The following LUZP2 variants were observed in gnomAD, a reference collection of about 807,000 sequenced individuals.
LUZP2 encodes the protein leucine zipper protein 2.
In LUZP2, 52 loss-of-function variants were observed where a neutral mutation model predicts 51.6. That is an observed-to-expected ratio of 1.01 (90% CI 0.81 to 1.27). LUZP2 has a LOEUF of 1.27. LUZP2 is among the 50% of genes most tolerant of loss of function. The pLI, the probability that LUZP2 is intolerant of heterozygous loss-of-function variation, is 0.00. For missense variants in LUZP2, 436 were observed against 395.4 expected (o/e 1.10, Z -0.87); for synonymous variants, 154 against 137.3 (o/e 1.12, Z -0.85).
chr11:24,906,965 C>T (rs979224313), intron 6 of LUZP2, among the ~76,000 whole-genome samples: 31 of 152,066 alleles, frequency 2.0e-4, no homozygotes, highest in Non-Finnish European at 2.8e-4. Flanking sequence ...AGAAGTAAGG[C>T]GAAGAGTTTC....
intron 7 of LUZP2, among the ~76,000 whole-genome samples, chr11:24,964,152 A>G (rs945929654): frequency 6.6e-6 from 1 of 152,168 alleles, no homozygotes; most frequent in Non-Finnish European, 1.5e-5. Flanking sequence ...CCTTTTCACC[A>G]CATTCCTGCC....
intron 10 of LUZP2, among the ~76,000 whole-genome samples, chr11:25,072,590 A>G (rs1428493078): frequency 6.6e-6 from 1 of 152,170 alleles, no homozygotes; most frequent in East Asian, 1.9e-4. Context: ...TACTCTTTAG[A>G]TAACATTGGT....
intron 9 of LUZP2, among the ~76,000 whole-genome samples, chr11:25,016,632 T>C (rs547044862): frequency 3.2e-5 from 4 of 123,968 alleles, no homozygotes; most frequent in Admixed American, 8.7e-5. Flanking sequence ...TATGTGTGTG[T>C]TTGTGTCTGT....
intron 1 of LUZP2, among the ~76,000 whole-genome samples, chr11:24,641,536 G>A (rs916834321): frequency 3.9e-5 from 6 of 151,932 alleles, no homozygotes. Flanking sequence ...GATACATTTA[G>A]AAAGGTACCT....
chr11:25,076,507 G>C (rs1269092290), intron 10 of LUZP2, among the ~76,000 whole-genome samples: 3 of 151,410 alleles, frequency 2.0e-5, no homozygotes, highest in Non-Finnish European at 4.4e-5. Context: ...GAGGAAGGAG[G>C]AAAAGTATCA....
intron 5 of LUZP2, among the ~76,000 whole-genome samples, chr11:24,828,313 C>G (rs974808915): frequency 6.6e-6 from 1 of 152,082 alleles, no homozygotes; most frequent in Non-Finnish European, 1.5e-5. Flanking sequence ...TGACTGATTT[C>G]ATTAATGTTC....
intron 9 of LUZP2, among the ~76,000 whole-genome samples, chr11:25,007,531 A>G (rs1374238677): frequency 6.6e-6 from 1 of 152,066 alleles, no homozygotes; most frequent in Non-Finnish European, 1.5e-5. Context: ...TGAACCTGGG[A>G]GGTAAAGGTT....
chr11:24,913,958 C>T (rs1007095778), intron 6 of LUZP2, among the ~76,000 whole-genome samples: 14 of 152,022 alleles, frequency 9.2e-5, no homozygotes, highest in African/African-American at 3.4e-4. Flanking sequence ...AGTGATGGCC[C>T]TCTTAAAAAA....
At chr11:24,966,470 A>C (rs935207375) in intron 7 of LUZP2, among the ~76,000 whole-genome samples, 1 of 150,584 alleles carries the variant, frequency 6.6e-6, no homozygotes, top group South Asian at 2.1e-4. Context: ...ATATTTGTCT[A>C]TCTCAAAGTC....
chr11:24,845,583 A>T (rs1014240542), intron 5 of LUZP2, among the ~76,000 whole-genome samples: 1 of 152,156 alleles, frequency 6.6e-6, no homozygotes, highest in African/African-American at 2.4e-5. Context: ...CCCAAATTTC[A>T]TATTGAATTG....
chr11:24,701,551 G>A (rs1016048128), intron 1 of LUZP2: 3 of 156,768 alleles, frequency 1.9e-5, no homozygotes, highest in African/African-American at 7.2e-5. Context: ...TGAAGCCCGA[G>A]ACAAAGAAAC....
intron 1 of LUZP2, among the ~76,000 whole-genome samples, chr11:24,588,617 A>G (rs1590212995): frequency 8.4e-6 from 1 of 119,036 alleles, no homozygotes; most frequent in East Asian, 2.5e-4. Context: ...ATTTAGAAAC[A>G]AACAAATAAA....
At chr11:24,769,624 T>C (rs988554907) in intron 5 of LUZP2, among the ~76,000 whole-genome samples, 1 of 151,670 alleles carries the variant, frequency 6.6e-6, no homozygotes, top group Non-Finnish European at 1.5e-5. Context: ...TAGATAGACA[T>C]GGAAGAGAAG....
chr11:24,612,405 C>A (rs10500985), intron 1 of LUZP2, among the ~76,000 whole-genome samples: 27,360 of 151,960 alleles, frequency 0.18, 2,724 homozygotes, highest in African/African-American at 0.26. Flanking sequence ...TAGGCCAAAT[C>A]ATGACTTTAC....
At chr11:25,077,073 A>AT (rs1249118991) in intron 10 of LUZP2, among the ~76,000 whole-genome samples, 1 of 152,170 alleles carries the variant, frequency 6.6e-6, no homozygotes, top group Non-Finnish European at 1.5e-5. Flanking sequence ...ATAATTTTCC[A>AT]TTGGAATTGT....
At chr11:24,785,916 A>G (rs1590523394) in intron 5 of LUZP2, 1 of 985,228 alleles carries the variant, frequency 1.0e-6, no homozygotes, top group Non-Finnish European at 1.2e-6. Context: ...TATAACTAGC[A>G]GGAACTATAG....
At chr11:24,541,406 G>C (rs1044172337) in intron 1 of LUZP2, among the ~76,000 whole-genome samples, 14 of 152,134 alleles carry the variant, frequency 9.2e-5, no homozygotes, top group Admixed American at 7.2e-4. Flanking sequence ...CTGTGTCCCT[G>C]ACAGTTAACT....
chr11:25,072,405 A>C (rs1478365200), intron 10 of LUZP2, among the ~76,000 whole-genome samples: 5 of 152,156 alleles, frequency 3.3e-5, no homozygotes, highest in Admixed American at 6.6e-5. Flanking sequence ...ATGAATGATT[A>C]AAGTATAGAA....
chr11:25,020,954 A>G (rs1857316373), intron 9 of LUZP2, among the ~76,000 whole-genome samples: 2 of 152,060 alleles, frequency 1.3e-5, no homozygotes, highest in Admixed American at 1.3e-4. Flanking sequence ...AGCAGAACAG[A>G]AAGATGAAAA....
Sources: gnomAD v4.1 joint callset for allele counts (sites outside exome capture counted in the v4.1 genomes callset) on GRCh38, gnomAD v4.1.1 for gene constraint, MANE v1.5 for transcripts, NCBI Gene and HGNC (gene_info 2026-07-23, HGNC 2026-07-21) for gene names.